RPS6KA2: variants seen among roughly 807,000 people sequenced by gnomAD.
The protein encoded by RPS6KA2 is ribosomal protein S6 kinase alpha-2.
In RPS6KA2, 42 loss-of-function variants were observed where a neutral mutation model predicts 91.8. That is an observed-to-expected ratio of 0.46 (90% CI 0.36 to 0.59). The LOEUF is 0.59. Among genes scored for constraint, RPS6KA2 ranks in the 20% least tolerant of loss-of-function variants. RPS6KA2 has a pLI of 0.00. For missense variants in RPS6KA2, 798 were observed against 978.5 expected (o/e 0.82, Z 2.46); for synonymous variants, 414 against 393.6 (o/e 1.05, Z -0.61).
intron 3 of RPS6KA2, among the ~76,000 whole-genome samples, chr6:166,523,139 C>G (rs1357873608): frequency 6.6e-6 from 1 of 152,190 alleles, no homozygotes; most frequent in African/African-American, 2.4e-5. Flanking sequence ...GAGGACTCCA[C>G]CATACAGAGG....
chr6:166,684,366 G>A (rs1390189075), intron 2 of RPS6KA2, among the ~76,000 whole-genome samples: 6 of 152,204 alleles, frequency 3.9e-5, no homozygotes, highest in African/African-American at 7.2e-5. Context: ...TTTAAAGTGC[G>A]TATAAATATG....
intron 2 of RPS6KA2, among the ~76,000 whole-genome samples, chr6:166,787,586 A>G (rs1160558223): frequency 1.3e-5 from 2 of 152,132 alleles, no homozygotes; most frequent in Non-Finnish European, 2.9e-5. Context: ...TATTTTAAGC[A>G]TTTATACCCT....
intron 14 of RPS6KA2, among the ~76,000 whole-genome samples, chr6:166,446,197 C>T (rs1338858929): frequency 6.6e-6 from 1 of 152,226 alleles, no homozygotes; most frequent in Admixed American, 6.5e-5. Flanking sequence ...ACCGTGTCTA[C>T]CTGCAGATAA....
intron 1 of RPS6KA2, among the ~76,000 whole-genome samples, chr6:166,858,543 G>A (rs866655988): frequency 6.6e-6 from 1 of 152,150 alleles, no homozygotes; most frequent in Non-Finnish European, 1.5e-5. Context: ...TGTGACTTAC[G>A]GTACAATCTA....
chr6:166,488,710 C>A, intron 10 of RPS6KA2, 123 bp downstream of exon 10: 1 of 691,548 alleles, frequency 1.4e-6, no homozygotes, highest in South Asian at 1.7e-5. Flanking sequence ...TAGGTGAGGT[C>A]TGTTTTCAGT....
chr6:166,495,394 A>G lies in RPS6KA2; in HGVS notation c.747+3114T>C, dbSNP rs927873359. On this transcript the variant is annotated intron_variant, in intron 8 of 20. Transcript: ENST00000265678. The surrounding 1 kb of genome is among the most constrained non-coding windows in gnomAD (Gnocchi z 4.4). ...CCAGCAAACAAGTGAACAATTCAGT[A>G]AGAAATGTCCTGTGCCCAGGGAGGC... 1.3e-5 allele frequency among the ~76,000 whole-genome samples: 2 copies of G among 152,210 alleles called. No homozygotes were observed. The highest frequency in any genetic ancestry group is 6.5e-5 in the Admixed American group (1 of 15,292).
intron 2 of RPS6KA2, among the ~76,000 whole-genome samples, chr6:166,633,945 G>A (rs905264271): frequency 6.6e-6 from 1 of 152,176 alleles, no homozygotes; most frequent in African/African-American, 2.4e-5. Context: ...GGGACACGGG[G>A]ACGGTTTTTC....
intron 2 of RPS6KA2, among the ~76,000 whole-genome samples, chr6:166,792,110 A>C (rs1484124527): frequency 6.6e-6 from 1 of 152,218 alleles, no homozygotes; most frequent in Non-Finnish European, 1.5e-5. Context: ...AACAAAATTC[A>C]TTGACCACTA....
In RPS6KA2 at chr6:166,572,886, C is replaced by G. The variant is rs116911243; in HGVS notation, c.100-34102G>C. Among the ~76,000 whole-genome samples, 17 of 152,372 alleles carry G rather than the reference C, an allele frequency of 1.1e-4. No individual in the cohort carries two copies. In the East Asian group the frequency reaches 3.3e-3, roughly 29 times the overall value. ...TCTGCACGTTCGGGTCTACCCCTGC[C>G]TGCTGAAGAAGAAAACAGGGGAAAT... On this transcript the variant is annotated intron_variant, in intron 1 of 20. Coordinates refer to ENST00000265678, the MANE Select transcript of RPS6KA2 (RefSeq NM_021135.6).
chr6:166,413,716 G>A (rs1445931091), intron 20 of RPS6KA2, 78 bp downstream of exon 20: 6 of 1,472,560 alleles, frequency 4.1e-6, no homozygotes, highest in African/African-American at 1.4e-5. Context: ...TGGTTTCTTC[G>A]GAGTGATTGC....
rs568658472 is a variant in RPS6KA2, at chr6:166,646,977, C to T, written c.124-108193G>A. Among the ~76,000 whole-genome samples, 33 of 152,180 alleles carry T rather than the reference C, an allele frequency of 2.2e-4. 1 individual carries two copies. Among genetic ancestry groups the T allele is most frequent in the Middle Eastern group, 3.2e-3 (1 of 316 alleles). ...CCACTCTGTCCTTTCTCCAGGCTGACGCCCAGCCCTCCAGACCTCCTACCC... is the reference window on the plus strand; with the variant it reads ...CCACTCTGTCCTTTCTCCAGGCTGATGCCCAGCCCTCCAGACCTCCTACCC... On this transcript the variant is annotated intron_variant, in intron 2 of 21. Transcript: ENST00000503859.
rs1359989571 is a variant in RPS6KA2, at chr6:166,448,565, GCTC to G, written c.1332+156_1332+158del. Among the ~76,000 whole-genome samples, 1 of 152,158 alleles carries G rather than the reference GCTC, an allele frequency of 6.6e-6. No homozygotes were observed. Among genetic ancestry groups the G allele is most frequent in the Non-Finnish European group, 1.5e-5 (1 of 68,026 alleles). On this transcript the variant is annotated intron_variant, in intron 14 of 20. Coordinates refer to ENST00000265678, the MANE Select transcript of RPS6KA2 (RefSeq NM_021135.6). The surrounding 1 kb of genome is among the most constrained non-coding windows in gnomAD (Gnocchi z 4.7). ...CTGAGCACGTGAGCACATATGCTGT[GCTC>G]CTATGCTCCGTGCTCCCATGTGCTG... is the stretch of plus-strand genomic sequence containing the variant.
chr6:166,819,089 C>A (rs968636241), intron 2 of RPS6KA2, among the ~76,000 whole-genome samples: 3 of 152,100 alleles, frequency 2.0e-5, no homozygotes, highest in Non-Finnish European at 4.4e-5. Flanking sequence ...ACACGCCACT[C>A]AGAAGCCCAC....
intron 2 of RPS6KA2, among the ~76,000 whole-genome samples, chr6:166,718,956 A>T (rs897034390): frequency 6.6e-6 from 1 of 152,208 alleles, no homozygotes; most frequent in Non-Finnish European, 1.5e-5. Flanking sequence ...ATGAGTAAGG[A>T]TTAAAAACAT....
chr6:166,727,867 C>T (rs765606185), intron 2 of RPS6KA2, among the ~76,000 whole-genome samples: 2 of 151,874 alleles, frequency 1.3e-5, no homozygotes, highest in Admixed American at 6.5e-5. Flanking sequence ...GGCCAGACTA[C>T]AGCTTCAGGA....
At chr6:166,491,693 A>T (rs1384629328) in intron 8 of RPS6KA2, among the ~76,000 whole-genome samples, 2 of 152,194 alleles carry the variant, frequency 1.3e-5, no homozygotes, top group Non-Finnish European at 2.9e-5. Flanking sequence ...TTCATCCTCC[A>T]GCATTCGTCC....
chr6:166,679,789 G>A (rs1039459962), intron 2 of RPS6KA2, among the ~76,000 whole-genome samples: 10 of 152,356 alleles, frequency 6.6e-5, no homozygotes, highest in Middle Eastern at 3.4e-3. Flanking sequence ...CTGGGGTTGC[G>A]AGTGGTGCTC....
intron 2 of RPS6KA2, among the ~76,000 whole-genome samples, chr6:166,811,189 T>C (rs893376554): frequency 6.6e-6 from 1 of 152,234 alleles, no homozygotes; most frequent in Non-Finnish European, 1.5e-5. Flanking sequence ...TTTTTATACC[T>C]TTAATTACAT....
At chr6:166,601,984 G>A (rs1785747935) in intron 1 of RPS6KA2, among the ~76,000 whole-genome samples, 2 of 152,206 alleles carry the variant, frequency 1.3e-5, no homozygotes, top group Admixed American at 6.5e-5. Context: ...CTGATGAAGA[G>A]TTATTATACA....
Sources: gnomAD v4.1 joint callset for allele counts (sites outside exome capture counted in the v4.1 genomes callset) on GRCh38, gnomAD v4.1.1 for gene constraint, Gnocchi (gnomAD v3.1) non-coding constraint, MANE v1.5 for transcripts, NCBI Gene and HGNC (gene_info 2026-07-23, HGNC 2026-07-21) for gene names.